GPC5: variants seen among roughly 807,000 people sequenced by gnomAD.
The protein encoded by GPC5 is glypican 5.
Under a neutral mutation model 53.9 loss-of-function variants are expected in GPC5, and 47 were observed. The observed-to-expected ratio is 0.87, with a 90% CI of 0.69 to 1.11. The LOEUF is 1.11. Ranked by LOEUF, GPC5 falls within the 50% of genes most tolerant of loss-of-function variation. The pLI is 0.00. For missense variants in GPC5, 748 were observed against 713.1 expected (o/e 1.05, Z -0.56); for synonymous variants, 286 against 263.3 (o/e 1.09, Z -0.84).
intron 7 of GPC5, among the ~76,000 whole-genome samples, chr13:92,808,006 T>C (rs1033017166): frequency 6.6e-6 from 1 of 152,136 alleles, no homozygotes; most frequent in Admixed American, 6.6e-5. Context: ...TATATAGGGA[T>C]TGTATAGACT....
intron 7 of GPC5, among the ~76,000 whole-genome samples, chr13:92,620,201 G>A (rs8001468): frequency 0.98 from 149,601 of 152,156 alleles, 73,606 homozygotes; most frequent in East Asian, 1. Context: ...AATAAGTGGC[G>A]GAAAGAAAAA....
intron 5 of GPC5, among the ~76,000 whole-genome samples, chr13:91,795,684 A>C (rs1048894216): frequency 3.3e-5 from 5 of 152,028 alleles, no homozygotes; most frequent in Non-Finnish European, 5.9e-5. Flanking sequence ...ATAGCTTGCG[A>C]GTATACTTGG....
At chr13:91,774,976 A>G (rs2037686922) in intron 5 of GPC5, among the ~76,000 whole-genome samples, 1 of 152,164 alleles carries the variant, frequency 6.6e-6, no homozygotes, top group South Asian at 2.1e-4. Context: ...ATTTTCAGAG[A>G]CTTGCAGGGT....
chr13:92,593,226 G>T (rs1443910150), intron 7 of GPC5, among the ~76,000 whole-genome samples: 2 of 151,196 alleles, frequency 1.3e-5, no homozygotes, highest in African/African-American at 4.9e-5. Flanking sequence ...GACATAAGGA[G>T]AAAAGATGAC....
chr13:91,538,657 A>G (rs1485530560), intron 2 of GPC5, among the ~76,000 whole-genome samples: 2 of 143,528 alleles, frequency 1.4e-5, no homozygotes, highest in African/African-American at 2.6e-5. Flanking sequence ...ATCTTGGCTC[A>G]TTGCAAGCTC....
At chr13:92,326,706 C>T (rs563213726) in intron 7 of GPC5, among the ~76,000 whole-genome samples, 1 of 152,128 alleles carries the variant, frequency 6.6e-6, no homozygotes, top group East Asian at 1.9e-4. Flanking sequence ...AACGTAAGAG[C>T]CCAGTTTAAT....
At chr13:92,539,422 G>C (rs1881851629) in intron 7 of GPC5, among the ~76,000 whole-genome samples, 1 of 152,082 alleles carries the variant, frequency 6.6e-6, no homozygotes, top group South Asian at 2.1e-4. Context: ...GATGACCAGT[G>C]ATGATGAGCA....
intron 7 of GPC5, among the ~76,000 whole-genome samples, chr13:92,359,309 C>T (rs1566555791): frequency 6.6e-6 from 1 of 151,688 alleles, no homozygotes; most frequent in Non-Finnish European, 1.5e-5. Context: ...TTCCTCACCT[C>T]CGTCTGAGAC....
chr13:92,053,468 T>G (rs1346710751), intron 6 of GPC5, among the ~76,000 whole-genome samples: 3 of 152,170 alleles, frequency 2.0e-5, no homozygotes, highest in African/African-American at 7.2e-5. Context: ...ACGTTGGAAT[T>G]TCAACCCAGA....
chr13:92,214,311 T>C (rs1295288663), intron 7 of GPC5, among the ~76,000 whole-genome samples: 1 of 152,218 alleles, frequency 6.6e-6, no homozygotes, highest in Admixed American at 6.5e-5. Context: ...AAGGAACTCA[T>C]CCACATTTTT....
intron 7 of GPC5, among the ~76,000 whole-genome samples, chr13:92,167,155 TATTG>T (rs1443914190): frequency 6.6e-6 from 1 of 152,166 alleles, no homozygotes; most frequent in African/African-American, 2.4e-5. Context: ...GACCCTAAAA[TATTG>T]ATTATTCTAT....
At chr13:92,247,284 C>T (rs1273521079) in intron 7 of GPC5, among the ~76,000 whole-genome samples, 4 of 151,962 alleles carry the variant, frequency 2.6e-5, no homozygotes, top group African/African-American at 9.7e-5. Flanking sequence ...GGTATTTGTT[C>T]CTTATGAGAC....
intron 5 of GPC5, among the ~76,000 whole-genome samples, chr13:91,857,481 ATTTATT>A (rs2038979186): frequency 6.6e-6 from 1 of 151,238 alleles, no homozygotes; most frequent in Non-Finnish European, 1.5e-5. Flanking sequence ...AAGAAATATA[ATTTATT>A]TTCACATATT....
At chr13:92,339,475 CAG>C (rs902720486) in intron 7 of GPC5, among the ~76,000 whole-genome samples, 4 of 151,966 alleles carry the variant, frequency 2.6e-5, no homozygotes. Context: ...GAAATATATA[CAG>C]AGAATCATGC....
chr13:91,838,856 A>G (rs114528078), intron 5 of GPC5, among the ~76,000 whole-genome samples: 3 of 152,302 alleles, frequency 2.0e-5, no homozygotes, highest in African/African-American at 7.2e-5. Flanking sequence ...GGAATAAAAT[A>G]CTAGTGTATG....
chr13:91,402,715 T>C (rs1877040252), intron 1 of GPC5, among the ~76,000 whole-genome samples: 1 of 152,224 alleles, frequency 6.6e-6, no homozygotes, highest in Admixed American at 6.5e-5. Flanking sequence ...AATTTTTTTG[T>C]TTACTGTCTT....
chr13:92,004,777 A>T (rs1004367761), intron 6 of GPC5, among the ~76,000 whole-genome samples: 2 of 152,004 alleles, frequency 1.3e-5, no homozygotes, highest in African/African-American at 4.8e-5. Flanking sequence ...AAGAATAAAA[A>T]CCAAGTGAAA....
intron 6 of GPC5, among the ~76,000 whole-genome samples, chr13:92,071,705 A>T (rs1029077762): frequency 1.3e-5 from 2 of 151,834 alleles, no homozygotes; most frequent in African/African-American, 4.8e-5. Context: ...ATCCTTCCAG[A>T]TAAAATTTAA....
At chr13:91,674,606 T>A (rs1004373141) in intron 2 of GPC5, among the ~76,000 whole-genome samples, 4 of 147,752 alleles carry the variant, frequency 2.7e-5, no homozygotes, top group Non-Finnish European at 4.5e-5. Flanking sequence ...CGCATATATA[T>A]GCGTATGTGT....
Sources: allele counts gnomAD v4.1 joint callset (sites outside exome capture counted in the v4.1 genomes callset), GRCh38; gene constraint gnomAD v4.1.1; transcripts MANE v1.5; gene names NCBI Gene and HGNC (gene_info 2026-07-23, HGNC 2026-07-21).